OPCML: variants seen among roughly 807,000 people sequenced by gnomAD.
OPCML encodes the protein opioid binding protein/cell adhesion molecule like, also known as opioid-binding protein/cell adhesion molecule.
In OPCML, 13 loss-of-function variants were observed where a neutral mutation model predicts 37.8. That is an observed-to-expected ratio of 0.34 (90% CI 0.22 to 0.55). The LOEUF (loss-of-function observed/expected upper bound fraction) is 0.55, where lower values mean the gene tolerates loss of function less well. Among genes scored for constraint, OPCML ranks in the 20% least tolerant of loss-of-function variants. The pLI, the probability that OPCML is intolerant of heterozygous loss-of-function variation, is 0.91. For synonymous variants in OPCML, 176 were observed against 168.8 expected (o/e 1.04, Z -0.33); for missense variants, 341 against 435.6 (o/e 0.78, Z 1.93).
At chr11:133,326,550 G>C (rs993255673) in intron 1 of OPCML, among the ~76,000 whole-genome samples, 3 of 141,782 alleles carry the variant, frequency 2.1e-5, no homozygotes, top group African/African-American at 7.9e-5. Context: ...AGTGGGTGTG[G>C]GTATATGTGT....
intron 1 of OPCML, among the ~76,000 whole-genome samples, chr11:133,465,419 G>T (rs1946952465): frequency 6.6e-6 from 1 of 152,112 alleles, no homozygotes; most frequent in African/African-American, 2.4e-5. Context: ...GACATTTTGG[G>T]GTGGTGGAAT....
At chr11:133,140,531 T>TAAGAAGAAGAAGAAG (rs1168417109) in intron 1 of OPCML, among the ~76,000 whole-genome samples, 1,172 of 88,042 alleles carry the variant, frequency 0.013, 22 homozygotes, top group Middle Eastern at 0.027. Flanking sequence ...ATAATAATAA[T>TAAGAAGAAGAAGAAG]AAGAAGAAGA....
intron 2 of OPCML, among the ~76,000 whole-genome samples, chr11:132,748,658 G>C (rs1291511375): frequency 6.6e-6 from 1 of 152,152 alleles, no homozygotes; most frequent in African/African-American, 2.4e-5. Flanking sequence ...GGGGCAGCCT[G>C]TTCATAGAGC....
intron 2 of OPCML, among the ~76,000 whole-genome samples, chr11:132,721,363 A>G (rs1191653219): frequency 2.0e-5 from 3 of 152,218 alleles, no homozygotes; most frequent in Non-Finnish European, 4.4e-5. Flanking sequence ...AGAAAACCAC[A>G]TGCAGAATCA....
intron 7 of OPCML, among the ~76,000 whole-genome samples, chr11:132,424,750 G>A (rs1176572612): frequency 6.6e-6 from 1 of 152,202 alleles, no homozygotes; most frequent in Non-Finnish European, 1.5e-5. Flanking sequence ...ATTGAAGGAT[G>A]AACGTAATCA....
At chr11:132,564,587 C>A (rs1251023984) in intron 3 of OPCML, among the ~76,000 whole-genome samples, 32 of 152,166 alleles carry the variant, frequency 2.1e-4, no homozygotes, top group Admixed American at 2.1e-3. Context: ...TCCTACTGTA[C>A]CTCCTAAGGT....
intron 1 of OPCML, among the ~76,000 whole-genome samples, chr11:133,061,935 T>C (rs1393239268): frequency 6.6e-6 from 1 of 152,154 alleles, no homozygotes; most frequent in African/African-American, 2.4e-5. Context: ...GAGAATTTCA[T>C]GGAAACTTTT....
intron 3 of OPCML, among the ~76,000 whole-genome samples, chr11:132,613,420 A>T (rs999025231): frequency 1.3e-5 from 2 of 152,198 alleles, no homozygotes; most frequent in African/African-American, 2.4e-5. Context: ...AACTGCATAA[A>T]CTCAAAACAT....
chr11:133,261,892 T>C (rs1347545390), intron 1 of OPCML, among the ~76,000 whole-genome samples: 1 of 152,054 alleles, frequency 6.6e-6, no homozygotes. Flanking sequence ...AACCCAGTCA[T>C]TAGGTTAACT....
chr11:133,466,700 G>A (rs1402756306), intron 1 of OPCML, among the ~76,000 whole-genome samples: 1 of 152,134 alleles, frequency 6.6e-6, no homozygotes, highest in Non-Finnish European at 1.5e-5. Context: ...TCATATTAAT[G>A]TAAATTTAGA....
intron 1 of OPCML, among the ~76,000 whole-genome samples, chr11:132,984,215 TAA>T (rs1946643722): frequency 6.6e-6 from 1 of 152,212 alleles, no homozygotes; most frequent in Non-Finnish European, 1.5e-5. Context: ...TGCTGAGACA[TAA>T]GACAACTTAC....
chr11:132,522,979 C>T (rs776618639), intron 4 of OPCML, among the ~76,000 whole-genome samples: 16 of 152,134 alleles, frequency 1.1e-4, no homozygotes, highest in Admixed American at 2.6e-4. Flanking sequence ...TTTTATCACC[C>T]GGGTTGCAGT....
At chr11:133,377,367 C>G (rs1944828346) in intron 1 of OPCML, among the ~76,000 whole-genome samples, 1 of 152,026 alleles carries the variant, frequency 6.6e-6, no homozygotes, top group Admixed American at 6.5e-5. Flanking sequence ...GGCTGGAATG[C>G]TAAGAACTAC....
chr11:132,713,517 G>T (rs1337417210), intron 2 of OPCML, among the ~76,000 whole-genome samples: 3 of 152,112 alleles, frequency 2.0e-5, no homozygotes, highest in Non-Finnish European at 4.4e-5. Context: ...GATAAAAAAA[G>T]GATCTTATAG....
chr11:132,866,740 T>G (rs1256449482), intron 2 of OPCML, among the ~76,000 whole-genome samples: 6 of 152,230 alleles, frequency 3.9e-5, no homozygotes, highest in Non-Finnish European at 8.8e-5. Context: ...CATTTCCATA[T>G]TGTGAGGTCC....
chr11:132,715,924 C>T (rs1188106245), intron 2 of OPCML, among the ~76,000 whole-genome samples: 1 of 152,046 alleles, frequency 6.6e-6, no homozygotes, highest in Non-Finnish European at 1.5e-5. Flanking sequence ...AGTCGATGCT[C>T]GATAGAAGGC....
chr11:132,787,225 A>AC (rs1243385667), intron 2 of OPCML, among the ~76,000 whole-genome samples: 1 of 152,138 alleles, frequency 6.6e-6, no homozygotes, highest in Non-Finnish European at 1.5e-5. Context: ...ATCAGATTGC[A>AC]CCCCAAATTC....
intron 1 of OPCML, among the ~76,000 whole-genome samples, chr11:133,516,648 G>A (rs900801717): frequency 3.3e-5 from 5 of 152,084 alleles, no homozygotes; most frequent in African/African-American, 7.2e-5. Flanking sequence ...GAAAGCTAAG[G>A]CCTCAGTGTC....
intron 1 of OPCML, among the ~76,000 whole-genome samples, chr11:133,180,162 C>A (rs146211994): frequency 1.3e-5 from 2 of 152,284 alleles, no homozygotes; most frequent in African/African-American, 4.8e-5. Context: ...GTCCCCTAAC[C>A]TTTACAGCAC....
Sources: allele counts gnomAD v4.1 joint callset (sites outside exome capture counted in the v4.1 genomes callset), GRCh38; gene constraint gnomAD v4.1.1; transcripts MANE v1.5; gene names NCBI Gene and HGNC (gene_info 2026-07-23, HGNC 2026-07-21).